VPS9D1: variants seen among roughly 807,000 people sequenced by gnomAD.
The protein encoded by VPS9D1 is VPS9 domain-containing protein 1.
VPS9D1 carries 78 observed loss-of-function variants against 75.8 expected under a neutral mutation model. That is an observed-to-expected ratio of 1.03 (90% CI 0.86 to 1.24). The LOEUF is 1.24. Among genes scored for constraint, VPS9D1 ranks in the 50% most tolerant of loss-of-function variants. VPS9D1 has a pLI of 0.00. For synonymous variants in VPS9D1, 481 were observed against 385.6 expected (o/e 1.25, Z -2.90); for missense variants, 1,057 against 847.7 (o/e 1.25, Z -3.07).
chr16:89,717,021 G>A, intron 2 of VPS9D1, 199 bp from the exon 3 acceptor site: 1 of 357,566 alleles, frequency 2.8e-6, no homozygotes, highest in South Asian at 2.9e-5. Context: ...CTCACCCCGG[G>A]TAAGCCCACT....
At chr16:89,717,269 C>T in intron 2 of VPS9D1, 2 of 321,670 alleles carry the variant, frequency 6.2e-6, no homozygotes, top group Non-Finnish European at 1.2e-5. Context: ...GGCTGTGGGC[C>T]CCTCATCGAG....
Position 89,711,875 on chromosome 16 carries a change from GA to G in VPS9D1, c.747+6del, listed in dbSNP as rs1378927936. 1.3e-6 allele frequency: 2 copies of G among 1,550,100 alleles called. No homozygotes were observed. The highest frequency in any genetic ancestry group is 1.4e-5 in the African/African-American group (1 of 73,046). On this transcript the variant is annotated splice_donor_region_variant and intron_variant, in intron 8 of 14. Coordinates refer to ENST00000389386, the MANE Select transcript of VPS9D1 (RefSeq NM_004913.3). ...TCCTACAAAGCCTGGGCCCGTGGGG[GA>G]CGCACATGGTCCTGTTCGTACTCCA...
chr16:89,708,263 C>G (rs1371157282), intron 14 of VPS9D1, among the ~76,000 whole-genome samples, 164 bp downstream of exon 14: 1 of 152,232 alleles, frequency 6.6e-6, no homozygotes, highest in Non-Finnish European at 1.5e-5. Flanking sequence ...CATGTGGCAG[C>G]AGGCACTCTG....
chr16:89,718,709 T>TTTTTC (rs952035087), intron 2 of VPS9D1, among the ~76,000 whole-genome samples: 1 of 149,686 alleles, frequency 6.7e-6, no homozygotes, highest in Non-Finnish European at 1.5e-5. Flanking sequence ...TGCCTTTTTC[T>TTTTTC]TTTTCTTTTC....
Position 89,707,689 on chromosome 16 carries a change from G to T in VPS9D1, c.*172C>A. 1.6e-6 allele frequency: 1 copy of T among 608,414 alleles called. No homozygotes were observed. Among genetic ancestry groups the T allele is most frequent in the Non-Finnish European group, 2.9e-6 (1 of 343,892 alleles). The allele number at this position is 608,414 out of a possible 1,614,324, so 37.7% of individuals were successfully genotyped here. A position where few individuals can be genotyped will look rare whatever the true frequency, so the allele number is the denominator to read the frequency against. ...CCCCAAGCTCCAGGGTCAGATGTGAGGTGAGGAAGGTGAAGAGCTGGAGAG... is the reference window on the plus strand; with the variant it reads ...CCCCAAGCTCCAGGGTCAGATGTGATGTGAGGAAGGTGAAGAGCTGGAGAG... On this transcript the variant is annotated 3_prime_UTR_variant, in exon 15 of 15. Transcript: ENST00000389386.
At position 89,716,760 on chromosome 16, in the gene VPS9D1, C is replaced by G. The variant is rs755592321; in HGVS notation, c.238G>C (p.Glu80Gln). 82 of 1,592,862 alleles carry G rather than the reference C, an allele frequency of 5.1e-5. No homozygotes were observed. The highest frequency in any genetic ancestry group is 6.7e-5 in the Non-Finnish European group (79 of 1,171,660). Residue 80 changes from glutamate (E) to glutamine (Q), a missense_variant, in exon 3 of 15, where the codon GAG becomes CAG. Coordinates refer to ENST00000389386, the MANE Select transcript of VPS9D1 (RefSeq NM_004913.3). ...TTGGCGGCCGTCGACTGGGCCCTCT[C>G]CAGACACTGCTGTGCTAGCTTCAGC... ...KMLKLAQQCLERAQSTAAKLG... is the reference protein window; with the variant it reads ...KMLKLAQQCLQRAQSTAAKLG...
rs748658264 is a variant in VPS9D1 at position 89,709,291 on chromosome 16, C to T, written c.1533G>A (p.Ala511=). 2.2e-5 allele frequency: 36 copies of T among 1,609,858 alleles called. 1 individual carries two copies. Among genetic ancestry groups the T allele is most frequent in the Middle Eastern group, 3.6e-4 (2 of 5,498 alleles). Residue 511 remains alanine (A), a synonymous_variant, in exon 12 of 15, where the codon GCG becomes GCA. Coordinates refer to ENST00000389386, the MANE Select transcript of VPS9D1 (RefSeq NM_004913.3). ...AKGATGYPYC[A]AAQELGLLVL... is the part of the protein sequence containing the mutation. ...CCAGCAGTCCGAGCTCCTGGGCCGC[C>T]GCGCAGTAGGGGTAGCCAGTGGCCC...
chr16:89,712,098 A>G lies in VPS9D1; in HGVS notation c.608T>C (p.Leu203Pro). The change falls in exon 7 of 15, where the codon CTC (leucine) becomes CCC (proline). Residue 203 changes from leucine (L) to proline (P), a missense_variant and splice_region_variant. Coordinates refer to ENST00000389386, the MANE Select transcript of VPS9D1 (RefSeq NM_004913.3). ...LVIAKAREET[L>P]QRKMEERRLR... ...CCGGCGCTCCTCCATCTTTCTCTGGAGCTGGGTGCAGAGTCAAGGGGCCGA... is the reference window on the plus strand; with the variant it reads ...CCGGCGCTCCTCCATCTTTCTCTGGGGCTGGGTGCAGAGTCAAGGGGCCGA... The G allele has an allele frequency of 6.5e-7, 1 of 1,548,080 alleles. No homozygotes were observed. The highest frequency in any genetic ancestry group is 8.7e-7 in the Non-Finnish European group (1 of 1,146,748).
At chr16:89,709,020 A>ACCCCGGCCCCCCCCCCCCCCCCC in intron 12 of VPS9D1, 64 bp from the exon 13 acceptor site, 39 of 1,277,898 alleles carry the variant, frequency 3.1e-5, no homozygotes, top group South Asian at 1.5e-4. Flanking sequence ...CACCCCTTAT[A>ACCCCGGCCCCCCCCCCCCCCCCC]CCCCGCCCAC....
chr16:89,711,664 T>C (rs928155548), intron 8 of VPS9D1: 2 of 621,076 alleles, frequency 3.2e-6, no homozygotes, highest in African/African-American at 4.3e-5. Flanking sequence ...GCTGGGACCC[T>C]CCCACGCGAC....
In VPS9D1 at chr16:89,719,018, G is replaced by C; in HGVS notation, c.175+9C>G. 6.2e-7 allele frequency: 1 copy of C among 1,611,514 alleles called. No homozygotes were observed. Among genetic ancestry groups the C allele is most frequent in the Non-Finnish European group, 8.5e-7 (1 of 1,178,614 alleles). On this transcript the variant is annotated intron_variant, in intron 2 of 14. Transcript: ENST00000389386. ...CGTGAGCCACCGCGCCCGGCTGGCT[G>C]AGCCGTACCTTTAGTGGTTTCCACT... is the stretch of plus-strand genomic sequence containing the variant.
At chr16:89,712,141 G>T (rs1343859534) in intron 6 of VPS9D1, 42 bp from the exon 7 acceptor site, 2 of 1,547,566 alleles carry the variant, frequency 1.3e-6, no homozygotes, top group Admixed American at 2.0e-5. Context: ...ATCTGAGCGG[G>T]CCCTCGGTTC....
Position 89,708,883 on chromosome 16 carries a change from C to T in VPS9D1, c.1671G>A (p.Gly557=). The change falls in exon 13 of 15, where the codon GGG becomes GGA. Residue 557 remains glycine (G), a synonymous_variant. Coordinates refer to ENST00000389386, the MANE Select transcript of VPS9D1 (RefSeq NM_004913.3). The stretch of plus-strand genomic sequence containing the variant: ...TGGCAGCTGCAGCGATGGGCGGGGG[C>T]CCGGCCTGGGGTGTGGCCTCTGGGG... ...CPTPEATPQA[G]PPPIAAAAIG... is the part of the protein sequence containing the mutation. 1 of 1,587,750 alleles carries T rather than the reference C, an allele frequency of 6.3e-7. No homozygotes were observed. Among genetic ancestry groups the T allele is most frequent in the Non-Finnish European group, 8.5e-7 (1 of 1,172,880 alleles).
At chr16:89,708,365 G>T (rs2060836565) in intron 14 of VPS9D1, 62 bp downstream of exon 14, 2 of 1,489,218 alleles carry the variant, frequency 1.3e-6, no homozygotes, top group African/African-American at 1.4e-5. Flanking sequence ...CACCGTTTAG[G>T]TTGAGGGATG....
intron 6 of VPS9D1, 161 bp downstream of exon 6, chr16:89,712,299 G>T: frequency 7.5e-7 from 1 of 1,330,730 alleles, no homozygotes. Context: ...GACGGCGGCC[G>T]GGCCTTCCCC....
intron 10 of VPS9D1, 146 bp downstream of exon 10, chr16:89,710,440 G>A: frequency 2.3e-6 from 2 of 866,320 alleles, no homozygotes; most frequent in African/African-American, 1.7e-5. Context: ...TTTCCAAAAT[G>A]AGAAGGGCTG....
rs1344078120 is a variant in VPS9D1 at position 89,707,735 on chromosome 16, C to G, written c.*126G>C. The G allele has an allele frequency of 1.3e-6, 1 of 794,926 alleles. No individual in the cohort carries two copies. Among genetic ancestry groups the G allele is most frequent in the East Asian group, 2.7e-5 (1 of 37,238 alleles). 49.2% of individuals were successfully genotyped at this position (794,926 alleles called of 1,614,324 possible). Reference sequence around the variant, plus strand: ...GAGAGCACACCACAGTGGACAAGCCCCCACCATGTGCAGAGCAGCGTGAGG... The same window carrying G: ...GAGAGCACACCACAGTGGACAAGCCGCCACCATGTGCAGAGCAGCGTGAGG... On this transcript the variant is annotated 3_prime_UTR_variant, in exon 15 of 15. Coordinates refer to ENST00000389386, the MANE Select transcript of VPS9D1 (RefSeq NM_004913.3).
chr16:89,719,694 C>G (rs933094258), intron 1 of VPS9D1, among the ~76,000 whole-genome samples: 1 of 152,106 alleles, frequency 6.6e-6, no homozygotes, highest in Non-Finnish European at 1.5e-5. Flanking sequence ...TGACAAGGCA[C>G]AGGTCATTGG....
chr16:89,717,991 TC>T (rs1209445346), intron 2 of VPS9D1: 1 of 447,592 alleles, frequency 2.2e-6, no homozygotes, highest in Non-Finnish European at 4.5e-6. Flanking sequence ...GTCCAGTGGC[TC>T]CCCCGACCTC....
Sources: allele counts gnomAD v4.1 joint callset (sites outside exome capture counted in the v4.1 genomes callset), GRCh38; gene constraint gnomAD v4.1.1; transcripts MANE v1.5; gene names NCBI Gene and HGNC (gene_info 2026-07-23, HGNC 2026-07-21).